Variants in UNC5D observed in about 807,000 individuals in gnomAD.
UNC5D encodes netrin receptor UNC5D.
Under a neutral mutation model 105.4 loss-of-function variants are expected in UNC5D, and 39 were observed. That is an observed-to-expected ratio of 0.37 (90% CI 0.29 to 0.48). UNC5D has a LOEUF of 0.48. UNC5D is among the 20% of genes least tolerant of loss of function. The probability of loss-of-function intolerance (pLI) is 0.98; values close to 1 mark genes in which losing one functional copy is unlikely to be tolerated. For synonymous variants in UNC5D, 452 were observed against 450.4 expected (o/e 1.00, Z -0.04); for missense variants, 991 against 1,202.4 (o/e 0.82, Z 2.60).
intron 4 of UNC5D, among the ~76,000 whole-genome samples, chr8:35,631,613 T>A (rs1822049545): frequency 1.3e-5 from 2 of 152,200 alleles, no homozygotes. Flanking sequence ...AGGGCCGAAG[T>A]TGCTCACTTC....
In UNC5D at chr8:35,667,161, T is replaced by C. The variant is rs73674071; in HGVS notation, c.571-16386T>C. Among the ~76,000 whole-genome samples, 203 of 152,298 alleles carry C rather than the reference T, an allele frequency of 1.3e-3. 1 individual carries two copies. The highest frequency in any genetic ancestry group is 4.4e-3 in the African/African-American group (181 of 41,578). On this transcript the variant is annotated intron_variant, in intron 4 of 16. Transcript: ENST00000404895. Reference sequence around the variant, plus strand: ...ATTTGTTTAATGAAAATAGCTTTTTTCCCCTGCTTATAAACATAATATAGA... The same window carrying C: ...ATTTGTTTAATGAAAATAGCTTTTTCCCCCTGCTTATAAACATAATATAGA...
intron 1 of UNC5D, among the ~76,000 whole-genome samples, chr8:35,264,655 C>T (rs991713666): frequency 9.3e-5 from 14 of 149,810 alleles, no homozygotes; most frequent in Non-Finnish European, 1.6e-4. Context: ...GCTTGAACCC[C>T]GGAGGCGGAG....
intron 4 of UNC5D, among the ~76,000 whole-genome samples, chr8:35,622,494 T>G (rs1287849508): frequency 6.6e-6 from 1 of 152,202 alleles, no homozygotes; most frequent in Non-Finnish European, 1.5e-5. Context: ...GTTAGCTGTG[T>G]GTTAAGCTAA....
At chr8:35,482,618 C>G (rs561807552) in intron 1 of UNC5D, among the ~76,000 whole-genome samples, 53 of 151,830 alleles carry the variant, frequency 3.5e-4, no homozygotes, top group Non-Finnish European at 3.7e-4. Context: ...TTAATTTGAC[C>G]AACATTTAAG....
At chr8:35,237,885 A>G (rs1390004399) in intron 1 of UNC5D, among the ~76,000 whole-genome samples, 4 of 152,138 alleles carry the variant, frequency 2.6e-5, no homozygotes, top group Non-Finnish European at 4.4e-5. Context: ...GTTGGGTGTA[A>G]TTGGAGTTTT....
At chr8:35,615,157 T>C (rs188847876) in intron 4 of UNC5D, among the ~76,000 whole-genome samples, 430 of 151,908 alleles carry the variant, frequency 2.8e-3, no homozygotes, top group Non-Finnish European at 4.4e-3. Flanking sequence ...GAGGACTGCT[T>C]GAGCCCAGGA....
At chr8:35,657,734 C>T (rs994084097) in intron 4 of UNC5D, among the ~76,000 whole-genome samples, 1 of 152,198 alleles carries the variant, frequency 6.6e-6, no homozygotes, top group South Asian at 2.1e-4. Context: ...GATCCTCCTA[C>T]ATTGGACTCC....
intron 7 of UNC5D, among the ~76,000 whole-genome samples, chr8:35,699,803 T>C (rs924557753): frequency 6.6e-6 from 1 of 152,042 alleles, no homozygotes; most frequent in East Asian, 1.9e-4. Flanking sequence ...CTCTGAAGGG[T>C]CATTGCTGAC....
At chr8:35,746,894 T>TA (rs1355244645) in intron 11 of UNC5D, among the ~76,000 whole-genome samples, 1 of 152,172 alleles carries the variant, frequency 6.6e-6, no homozygotes, top group African/African-American at 2.4e-5. Flanking sequence ...GGCACCCACA[T>TA]ACAGGCTGCA....
intron 1 of UNC5D, among the ~76,000 whole-genome samples, chr8:35,466,592 T>C (rs932709612): frequency 6.6e-6 from 1 of 152,156 alleles, no homozygotes; most frequent in African/African-American, 2.4e-5. Flanking sequence ...AAAAAGTCAT[T>C]TCTATTATCC....
chr8:35,241,588 G>A (rs1802808904), intron 1 of UNC5D, among the ~76,000 whole-genome samples: 1 of 151,780 alleles, frequency 6.6e-6, no homozygotes, highest in African/African-American at 2.4e-5. Context: ...GTTTCTATCA[G>A]GACAAGGATA....
chr8:35,483,436 A>G (rs1315622754), intron 1 of UNC5D, among the ~76,000 whole-genome samples: 2 of 152,154 alleles, frequency 1.3e-5, no homozygotes, highest in African/African-American at 4.8e-5. Context: ...TGTGTGAGAG[A>G]GATCAGTCAT....
chr8:35,716,987 C>T (rs1380173672), intron 8 of UNC5D, among the ~76,000 whole-genome samples: 6 of 152,166 alleles, frequency 3.9e-5, no homozygotes, highest in South Asian at 2.1e-4. Context: ...CTTCCTGGGG[C>T]GCTTGTTACC....
At chr8:35,557,606 C>T (rs1586127642) in intron 2 of UNC5D, among the ~76,000 whole-genome samples, 1 of 152,156 alleles carries the variant, frequency 6.6e-6, no homozygotes, top group African/African-American at 2.4e-5. Context: ...GGTTCCATGA[C>T]ATTTCTTCCC....
intron 1 of UNC5D, among the ~76,000 whole-genome samples, chr8:35,350,291 G>A (rs546846336): frequency 6.6e-6 from 1 of 151,772 alleles, no homozygotes; most frequent in Admixed American, 6.6e-5. Flanking sequence ...CATTTAATGG[G>A]GTCCTATCTC....
intron 1 of UNC5D, among the ~76,000 whole-genome samples, chr8:35,413,292 T>TGTGTTG (rs56157732): frequency 4.8e-4 from 62 of 128,042 alleles, no homozygotes; most frequent in African/African-American, 1.6e-3. Context: ...TGTGTGTGTG[T>TGTGTTG]TGTGTGTGTG....
intron 1 of UNC5D, among the ~76,000 whole-genome samples, chr8:35,491,890 T>C (rs1437115979): frequency 6.6e-6 from 1 of 152,184 alleles, no homozygotes; most frequent in African/African-American, 2.4e-5. Context: ...TATGTGAGAA[T>C]AGTTATTGAG....
chr8:35,311,430 G>A (rs889800157), intron 1 of UNC5D, among the ~76,000 whole-genome samples: 4 of 152,060 alleles, frequency 2.6e-5, no homozygotes, highest in Non-Finnish European at 4.4e-5. Flanking sequence ...GCTTGGCTGG[G>A]TAAGCAAATT....
intron 13 of UNC5D, among the ~76,000 whole-genome samples, chr8:35,755,670 C>G (rs1830486243): frequency 6.6e-6 from 1 of 152,130 alleles, no homozygotes; most frequent in Non-Finnish European, 1.5e-5. Context: ...TGACTTGCAA[C>G]CCCACTGTAA....
Sources: allele counts gnomAD v4.1 joint callset (sites outside exome capture counted in the v4.1 genomes callset), GRCh38; gene constraint gnomAD v4.1.1; transcripts MANE v1.5; gene names NCBI Gene and HGNC (gene_info 2026-07-23, HGNC 2026-07-21).